TAS2R42: variants seen among roughly 807,000 people sequenced by gnomAD.
TAS2R42 encodes the protein taste 2 receptor member 42.
For missense variants in TAS2R42, 356 were observed against 356.9 expected, an observed-to-expected ratio of 1.00 and a Z score of 0.02; for synonymous variants, 138 against 133.0, an observed-to-expected ratio of 1.04 and a Z score of -0.26.
At chr12:11,186,720 G>C in the TAS2R42 span, 1 of 1,614,098 alleles carries the variant, frequency 6.2e-7, no homozygotes, top group Non-Finnish European at 8.5e-7. Context: ...ATATAAATGT[G>C]AAGCAAGTCC....
Position 11,186,694 on chromosome 12 carries a change from C to T in TAS2R42, c.244G>A (p.Gly82Arg). ...ASHLYTTYRL[G>R]KTVIMLWHMT... is the part of the protein sequence containing the mutation. ...TGCCAAAGCATAATAACAGTTTTTC[C>T]TAGTCTATATGTGGTATATAAATGT... The change falls in exon 1 of 1, where the codon GGA becomes AGA. Residue 82 changes from glycine (G) to arginine (R), a missense_variant. Physicochemically the swap from Gly to Arg is moderately radical, Grantham distance 125. Coordinates refer to ENST00000334266, the MANE Select transcript of TAS2R42 (RefSeq NM_181429.2). 2 of 1,614,012 alleles carry T rather than the reference C, an allele frequency of 1.2e-6. No homozygotes were observed. The highest frequency in any genetic ancestry group is 2.7e-5 in the African/African-American group (2 of 74,994).
In TAS2R42 at chr12:11,186,125, T is replaced by C; in HGVS notation, c.813A>G (p.Leu271=). ...GGCACGAGGGAAAGGCATTTAAGGC[T>C]AACATGACAAACTTTATGCACTTGT... The part of the protein sequence containing the change: ...WNNKCIKFVM[L]ALNAFPSCHS... Residue 271 remains leucine (L), a synonymous_variant, in exon 1 of 1, where the codon TTA becomes TTG. Transcript: ENST00000334266. The C allele has an allele frequency of 6.2e-7, 1 of 1,613,982 alleles. No homozygotes were observed. Among genetic ancestry groups the C allele is most frequent in the Non-Finnish European group, 8.5e-7 (1 of 1,179,920 alleles).
At position 11,186,911 on chromosome 12, in the gene TAS2R42, A is replaced by G. The variant is rs774717096; in HGVS notation, c.27T>C (p.Phe9=). The G allele has an allele frequency of 4.3e-6, 7 of 1,611,932 alleles. No individual in the cohort carries two copies. The Admixed American group carries it at 1.0e-4, about 23-fold the overall frequency. ...TGAATTCTGCTATTGCCAGAATCAG[A>G]AAGATTTTGTCCAATTCGGTGGCCA... The part of the protein sequence containing the change: MATELDKI[F]LILAIAEFII... The change falls in exon 1 of 1, where the codon TTT becomes TTC. Residue 9 remains phenylalanine (F), a synonymous_variant. Transcript: ENST00000334266.
chr12:11,186,766 G>A, the TAS2R42 span: 2 of 1,613,968 alleles, frequency 1.2e-6, no homozygotes, highest in African/African-American at 2.7e-5. Context: ...ACCAACAGTT[G>A]TCCAATTGTG....
Position 11,186,086 on chromosome 12 carries a change from G to A in TAS2R42, c.852C>T (p.Leu284=), listed in dbSNP as rs1197254436. Residue 284 remains leucine (L), a synonymous_variant, in exon 1 of 1, where the codon CTC becomes CTT. Transcript: ENST00000334266. ...NAFPSCHSFI[L]ILGNSKLQQT... is the part of the protein sequence containing the mutation. ...GTTGCAGCTTGCTGTTTCCCAGAATGAGAATAAATGAGTGGCACGAGGGAA... is the reference window on the plus strand; with the variant it reads ...GTTGCAGCTTGCTGTTTCCCAGAATAAGAATAAATGAGTGGCACGAGGGAA... 1 of 1,614,006 alleles carries A rather than the reference G, an allele frequency of 6.2e-7. No individual in the cohort carries two copies. The highest frequency in any genetic ancestry group is 8.5e-7 in the Non-Finnish European group (1 of 1,179,944).
rs2136508318 is a variant in TAS2R42, at chr12:11,186,905, A to G, written c.33T>C (p.Ile11=). 1 of 1,612,816 alleles carries G rather than the reference A, an allele frequency of 6.2e-7. No individual in the cohort carries two copies. The highest frequency in any genetic ancestry group is 2.2e-5 in the East Asian group (1 of 44,852). The change falls in exon 1 of 1, where the codon ATT becomes ATC. Residue 11 remains isoleucine (I), a synonymous_variant. Coordinates refer to ENST00000334266, the MANE Select transcript of TAS2R42 (RefSeq NM_181429.2). ...TGATGATGAATTCTGCTATTGCCAGAATCAGAAAGATTTTGTCCAATTCGG... is the reference window on the plus strand; with the variant it reads ...TGATGATGAATTCTGCTATTGCCAGGATCAGAAAGATTTTGTCCAATTCGG... MATELDKIFL[I]LAIAEFIISM...
In TAS2R42 at chr12:11,186,928, C is replaced by T. The variant is rs201254983; in HGVS notation, c.10G>A (p.Glu4Lys). Residue 4 changes from glutamate (E) to lysine (K), a missense_variant, in exon 1 of 1, where the codon GAA becomes AAA. Transcript: ENST00000334266. ...AGAATCAGAAAGATTTTGTCCAATT[C>T]GGTGGCCATCTCCAGAGACAAAAAA... Reference protein sequence around the residue: MATELDKIFLILAI... With the variant: MATKLDKIFLILAI... The T allele has an allele frequency of 8.2e-6, 13 of 1,593,214 alleles. No homozygotes were observed. In the African/African-American group the frequency reaches 1.2e-4, roughly 14 times the overall value.
In TAS2R42 at chr12:11,186,299, A is replaced by C; in HGVS notation, c.639T>G (p.Asn213Lys). The C allele has an allele frequency of 6.2e-7, 1 of 1,614,106 alleles. No individual in the cohort carries two copies. The highest frequency in any genetic ancestry group is 8.5e-7 in the Non-Finnish European group (1 of 1,180,010). Residue 213 changes from asparagine to lysine, a missense_variant, in exon 1 of 1, where the codon AAT becomes AAG. Physicochemically the swap from Asn to Lys is moderately conservative, Grantham distance 94. Coordinates refer to ENST00000334266, the MANE Select transcript of TAS2R42 (RefSeq NM_181429.2). ...LFLSLVRHTR[N>K]LKLSSLGSRD... ...TAGAGCCCAAGGAACTGAGCTTCAA[A>C]TTTCTAGTATGTCTCACCAAGGACA...
Position 11,186,446 on chromosome 12 carries a change from C to A in TAS2R42, c.492G>T (p.Leu164=), listed in dbSNP as rs1294572763. ...TTTTACTTTCATCTAAATATAAAGT[C>A]AGATTACTTTTATCTATTATATTGA... is the stretch of plus-strand genomic sequence containing the variant. ...ISLNIIDKSN[L]TLYLDESKTL... The change falls in exon 1 of 1, where the codon CTG becomes CTT. Residue 164 remains leucine (L), a synonymous_variant. Transcript: ENST00000334266. 1.2e-6 allele frequency: 2 copies of A among 1,604,074 alleles called. No individual in the cohort carries two copies. Among genetic ancestry groups the A allele is most frequent in the Non-Finnish European group, 1.7e-6 (2 of 1,174,830 alleles).
rs543531807 is a variant in TAS2R42 at position 11,186,204 on chromosome 12, A to G, written c.734T>C (p.Val245Ala). The G allele has an allele frequency of 1.2e-6, 2 of 1,613,698 alleles. No individual in the cohort carries two copies. Among genetic ancestry groups the G allele is most frequent in the African/African-American group, 1.3e-5 (1 of 74,968 alleles). ...GGCCACTTGTAAGGAAAAAAAATGA[A>G]CTATGAAGAGGAAAAGGAAAGACAT... ...MVMSFLFLFI[V>A]HFFSLQVANW... is the part of the protein sequence containing the mutation. Residue 245 changes from valine to alanine, a missense_variant, in exon 1 of 1, where the codon GTT (valine) becomes GCT (alanine). Physicochemically the swap from Val to Ala is moderately conservative, Grantham distance 64. Coordinates refer to ENST00000334266, the MANE Select transcript of TAS2R42 (RefSeq NM_181429.2).
At position 11,186,606 on chromosome 12, in the gene TAS2R42, A is replaced by C. The variant is rs765328419; in HGVS notation, c.332T>G (p.Ile111Arg). ...TCLSIFYFFK[I>R]AHFPHSLFLW... is the part of the protein sequence containing the mutation. ...GAAAAGGGAGTGGGGGAAGTGGGCT[A>C]TCTTAAAGAAATAGAAAATGCTTAG... is the stretch of plus-strand genomic sequence containing the variant. The change falls in exon 1 of 1, where the codon ATA becomes AGA. Residue 111 changes from isoleucine to arginine, a missense_variant. Coordinates refer to ENST00000334266, the MANE Select transcript of TAS2R42 (RefSeq NM_181429.2). 1.2e-6 allele frequency: 2 copies of C among 1,613,944 alleles called. No individual in the cohort carries two copies. The highest frequency in any genetic ancestry group is 4.5e-5 in the East Asian group (2 of 44,884).
In TAS2R42 at chr12:11,186,761, C is replaced by G. The variant is rs1383847434; in HGVS notation, c.177G>C (p.Leu59=). The G allele has an allele frequency of 2.5e-6, 4 of 1,614,078 alleles. No individual in the cohort carries two copies. Among genetic ancestry groups the G allele is most frequent in the South Asian group, 1.1e-5 (1 of 91,078 alleles). ...TCLAISTIGQ[L]LVILFDSFLV... is the part of the protein sequence containing the mutation. The stretch of plus-strand genomic sequence containing the variant: ...GAAATGAATCAAACAGTATCACCAA[C>G]AGTTGTCCAATTGTGGAGATAGCCA... The change falls in exon 1 of 1, where the codon CTG becomes CTC. Residue 59 remains leucine, a synonymous_variant. Coordinates refer to ENST00000334266, the MANE Select transcript of TAS2R42 (RefSeq NM_181429.2).
At position 11,186,398 on chromosome 12, in the gene TAS2R42, A is replaced by T; in HGVS notation, c.540T>A (p.Ile180=). 1 of 1,607,760 alleles carries T rather than the reference A, an allele frequency of 6.2e-7. No homozygotes were observed. The highest frequency in any genetic ancestry group is 8.5e-7 in the Non-Finnish European group (1 of 1,175,820). Residue 180 remains isoleucine, a synonymous_variant, in exon 1 of 1, where the codon ATT becomes ATA. Transcript: ENST00000334266. Reference sequence around the variant, plus strand: ...TGGTCAAGCTGAGAAGAGTTTTTAAAATAGAGAGTTTATCATAGAGAGTTT... The same window carrying T: ...TGGTCAAGCTGAGAAGAGTTTTTAATATAGAGAGTTTATCATAGAGAGTTT... ...ESKTLYDKLS[I]LKTLLSLTSF...
rs565444533 is a variant in TAS2R42, at chr12:11,186,149, G to C, written c.789C>G (p.Asn263Lys). The C allele has an allele frequency of 1.1e-5, 18 of 1,613,858 alleles. No individual in the cohort carries two copies. The South Asian group carries it at 1.8e-4, about 16-fold the overall frequency. Residue 263 changes from asparagine to lysine, a missense_variant, in exon 1 of 1, where the codon AAC becomes AAG. By Grantham distance (94) the Asn-to-Lys change is moderately conservative. Transcript: ENST00000334266. ...CTAACATGACAAACTTTATGCACTT[G>C]TTGTTCCACAACATAAAAAATATCC... is the stretch of plus-strand genomic sequence containing the variant. ...ANWIFFMLWN[N>K]KCIKFVMLAL...
Position 11,186,046 on chromosome 12 carries a change from G to T in TAS2R42, c.892C>A (p.Leu298Ile). The T allele has an allele frequency of 6.2e-7, 1 of 1,613,720 alleles. No individual in the cohort carries two copies. The highest frequency in any genetic ancestry group is 8.5e-7 in the Non-Finnish European group (1 of 1,179,828). The change falls in exon 1 of 1, where the codon CTA becomes ATA. Residue 298 changes from leucine (L) to isoleucine (I), a missense_variant. Transcript: ENST00000334266. The part of the protein sequence containing the change: ...NSKLQQTAVR[L>I]LWHLRNYTKT... ...GTATAGTTCCTAAGATGCCACAGTA[G>T]CCTCACAGCTGTCTGTTGCAGCTTG...
chr12:11,186,131 G>A lies in TAS2R42; in HGVS notation c.807C>T (p.Val269=), dbSNP rs1948021315. ...MLWNNKCIKF[V]MLALNAFPSC... is the part of the protein sequence containing the mutation. The stretch of plus-strand genomic sequence containing the variant: ...AGGGAAAGGCATTTAAGGCTAACAT[G>A]ACAAACTTTATGCACTTGTTGTTCC... The change falls in exon 1 of 1, where the codon GTC becomes GTT. Residue 269 remains valine, a synonymous_variant. Coordinates refer to ENST00000334266, the MANE Select transcript of TAS2R42 (RefSeq NM_181429.2). The A allele has an allele frequency of 1.2e-6, 2 of 1,613,892 alleles. No homozygotes were observed. The highest frequency in any genetic ancestry group is 1.7e-6 in the Non-Finnish European group (2 of 1,179,902).
At position 11,186,172 on chromosome 12, in the gene TAS2R42, T is replaced by C. The variant is rs781617981; in HGVS notation, c.766A>G (p.Ile256Val). 1 of 1,613,806 alleles carries C rather than the reference T, an allele frequency of 6.2e-7. No individual in the cohort carries two copies. Among genetic ancestry groups the C allele is most frequent in the Non-Finnish European group, 8.5e-7 (1 of 1,179,906 alleles). ...TTGTTGTTCCACAACATAAAAAATA[T>C]CCAATTGGCCACTTGTAAGGAAAAA... is the stretch of plus-strand genomic sequence containing the variant. The part of the protein sequence containing the change: ...HFFSLQVANW[I>V]FFMLWNNKCI... The change falls in exon 1 of 1, where the codon ATA (isoleucine) becomes GTA (valine). Residue 256 changes from isoleucine to valine, a missense_variant. Transcript: ENST00000334266.
Position 11,186,839 on chromosome 12 carries a change from A to G in TAS2R42, c.99T>C (p.Ser33=). ...AGACCTTTTGGTTCTTGATCCCTTCAGAGCAGTTTACCAGTCCAATGAACA... is the reference window on the plus strand; with the variant it reads ...AGACCTTTTGGTTCTTGATCCCTTCGGAGCAGTTTACCAGTCCAATGAACA... ...GNVFIGLVNC[S]EGIKNQKVFS... The change falls in exon 1 of 1, where the codon TCT becomes TCC. Residue 33 remains serine (S), a synonymous_variant. Transcript: ENST00000334266. The G allele has an allele frequency of 6.2e-7, 1 of 1,614,114 alleles. No individual in the cohort carries two copies. Among genetic ancestry groups the G allele is most frequent in the Middle Eastern group, 1.6e-4 (1 of 6,062 alleles).
In TAS2R42 at chr12:11,186,300, T is replaced by C. The variant is rs770492737; in HGVS notation, c.638A>G (p.Asn213Ser). The change falls in exon 1 of 1, where the codon AAT becomes AGT. Residue 213 changes from asparagine (N) to serine (S), a missense_variant. By Grantham distance (46) the Asn-to-Ser change is conservative. Coordinates refer to ENST00000334266, the MANE Select transcript of TAS2R42 (RefSeq NM_181429.2). ...AGAGCCCAAGGAACTGAGCTTCAAA[T>C]TTCTAGTATGTCTCACCAAGGACAG... is the stretch of plus-strand genomic sequence containing the variant. ...LFLSLVRHTRNLKLSSLGSRD... is the reference protein window; with the variant it reads ...LFLSLVRHTRSLKLSSLGSRD... 5.0e-6 allele frequency: 8 copies of C among 1,613,882 alleles called. No homozygotes were observed. Among genetic ancestry groups the C allele is most frequent in the Non-Finnish European group, 5.9e-6 (7 of 1,180,010 alleles).
Sources: gnomAD v4.1 joint callset for allele counts on GRCh38, gnomAD v4.1.1 for gene constraint, MANE v1.5 for transcripts, NCBI Gene and HGNC (gene_info 2026-07-23, HGNC 2026-07-21) for gene names.